Variants in IMPG2 observed in about 807,000 individuals in gnomAD.
IMPG2 encodes the protein interphotoreceptor matrix proteoglycan 2, also known as IPM 200.
IMPG2 carries 91 observed loss-of-function variants against 129.2 expected under a neutral mutation model. The ratio of observed to expected loss-of-function variants is 0.70; its 90% CI spans 0.59 to 0.84. The LOEUF is 0.84. IMPG2 is among the 40% of genes least tolerant of loss of function. The pLI, the probability that IMPG2 is intolerant of heterozygous loss-of-function variation, is 0.00. For missense variants in IMPG2, 1,430 were observed against 1,461.7 expected (o/e 0.98, Z 0.35); for synonymous variants, 510 against 517.7 (o/e 0.99, Z 0.20).
chr3:101,299,682 G>T (rs1412714188), intron 3 of IMPG2, among the ~76,000 whole-genome samples: 2 of 152,100 alleles, frequency 1.3e-5, no homozygotes, highest in Non-Finnish European at 1.5e-5. Context: ...AGTTTGCTAG[G>T]GGTTCACTGT....
chr3:101,243,828 C>T lies in IMPG2; in HGVS notation c.2503G>A (p.Val835Ile), dbSNP rs767388103. 7.4e-6 allele frequency: 12 copies of T among 1,614,180 alleles called. No individual in the cohort carries two copies. Among genetic ancestry groups the T allele is most frequent in the South Asian group, 1.1e-5 (1 of 91,082 alleles). Residue 835 changes from valine to isoleucine, a missense_variant, in exon 13 of 19, where the codon GTA becomes ATA. Coordinates refer to ENST00000193391, the MANE Select transcript of IMPG2 (RefSeq NM_016247.4). ...TCCAGTTCTAACGAAATATCCTGTACACCCATAATTACTTCATCCTCTAGC... is the reference window on the plus strand; with the variant it reads ...TCCAGTTCTAACGAAATATCCTGTATACCCATAATTACTTCATCCTCTAGC... ...TLLEDEVIMG[V>I]QDISLELDRI...
chr3:101,277,255 C>A (rs1426070242), intron 4 of IMPG2, among the ~76,000 whole-genome samples: 6 of 152,200 alleles, frequency 3.9e-5, no homozygotes, highest in African/African-American at 1.4e-4. Context: ...TATTAAGAAT[C>A]TAAACTGCAT....
intron 3 of IMPG2, among the ~76,000 whole-genome samples, chr3:101,299,425 T>C (rs1001247438): frequency 6.6e-6 from 1 of 152,226 alleles, no homozygotes; most frequent in Non-Finnish European, 1.5e-5. Flanking sequence ...ATCCAGTTCT[T>C]CACCCTTGCT....
At chr3:101,276,574 G>A (rs554788778) in intron 5 of IMPG2, 90 bp downstream of exon 5, 2 of 846,096 alleles carry the variant, frequency 2.4e-6, no homozygotes, top group African/African-American at 3.4e-5. Flanking sequence ...ATTTTTAAAA[G>A]GTAAGCTGCA....
chr3:101,226,819 G>T lies in IMPG2; in HGVS notation c.*150C>A, dbSNP rs572793794. The T allele has an allele frequency of 2.3e-4, 168 of 719,938 alleles. 1 individual carries two copies. The African/African-American group carries it at 2.7e-3, about 12-fold the overall frequency. The allele number at this position is 719,938 out of a possible 1,614,324, so 44.6% of individuals were successfully genotyped here. ...TTACTACATTCTGAAAACTTAAGCT[G>T]AAAAAAAAACAGTGTGCCCTATATT... is the stretch of plus-strand genomic sequence containing the variant. On this transcript the variant is annotated 3_prime_UTR_variant, in exon 19 of 19. Transcript: ENST00000193391.
intron 18 of IMPG2, 67 bp downstream of exon 18, chr3:101,228,730 G>A: frequency 8.2e-7 from 1 of 1,214,634 alleles, no homozygotes; most frequent in Admixed American, 1.7e-5. Context: ...TCACTCAGGT[G>A]TGACATTACT....
intron 9 of IMPG2, among the ~76,000 whole-genome samples, chr3:101,263,984 T>G (rs1334189787): frequency 6.6e-6 from 1 of 151,812 alleles, no homozygotes; most frequent in Non-Finnish European, 1.5e-5. Flanking sequence ...CCAATAAATT[T>G]GAAAACCTAG....
intron 9 of IMPG2, among the ~76,000 whole-genome samples, chr3:101,266,060 G>C (rs1706717936): frequency 6.6e-6 from 1 of 152,174 alleles, no homozygotes. Flanking sequence ...GCAAATGCTA[G>C]TGAGGATCCA....
chr3:101,234,264 C>T (rs1188816559), intron 14 of IMPG2, among the ~76,000 whole-genome samples: 1 of 151,076 alleles, frequency 6.6e-6, no homozygotes, highest in Non-Finnish European at 1.5e-5. Flanking sequence ...GGAAACAAGG[C>T]TATCTGGAGA....
intron 2 of IMPG2, among the ~76,000 whole-genome samples, chr3:101,310,402 C>A (rs1707251300): frequency 6.6e-6 from 1 of 151,748 alleles, no homozygotes; most frequent in South Asian, 2.1e-4. Context: ...ACGAAAATTA[C>A]AAAGAAATTA....
intron 14 of IMPG2, among the ~76,000 whole-genome samples, chr3:101,235,403 T>G (rs1346456907): frequency 6.6e-6 from 1 of 152,232 alleles, no homozygotes; most frequent in Non-Finnish European, 1.5e-5. Flanking sequence ...TAGGAATGCT[T>G]AACCACTATA....
chr3:101,232,659 G>T, intron 15 of IMPG2, 122 bp downstream of exon 15: 4 of 783,788 alleles, frequency 5.1e-6, no homozygotes, highest in Non-Finnish European at 8.5e-6. Flanking sequence ...CCCATCTATT[G>T]CCTAGATATA....
At chr3:101,316,336 G>C (rs2058785064) in intron 2 of IMPG2, among the ~76,000 whole-genome samples, 1 of 151,840 alleles carries the variant, frequency 6.6e-6, no homozygotes, top group South Asian at 2.1e-4. Flanking sequence ...CAGATTGCAA[G>C]AAAAATGTAT....
At chr3:101,281,810 G>A (rs1010946325) in intron 4 of IMPG2, among the ~76,000 whole-genome samples, 1 of 152,090 alleles carries the variant, frequency 6.6e-6, no homozygotes, top group South Asian at 2.1e-4. Flanking sequence ...AGACTCCACC[G>A]GCCATTGCTG....
rs556074974 is a variant in IMPG2 at position 101,244,603 on chromosome 3, G to C, written c.1728C>G (p.Val576=). 6.8e-5 allele frequency: 109 copies of C among 1,598,764 alleles called. No homozygotes were observed. The highest frequency in any genetic ancestry group is 8.9e-5 in the Non-Finnish European group (104 of 1,173,070). The part of the protein sequence containing the change: ...PFGLDSLTSK[V]KDQLKVSPFL... ...AAGGGCTCACTTTTAATTGGTCTTT[G>C]ACTTTGGAGGTCAAGGAGTCCAAGC... Residue 576 remains valine (V), a synonymous_variant, in exon 13 of 19, where the codon GTC becomes GTG. Coordinates refer to ENST00000193391, the MANE Select transcript of IMPG2 (RefSeq NM_016247.4).
chr3:101,307,296 C>T (rs749771450), intron 2 of IMPG2, among the ~76,000 whole-genome samples: 1 of 152,280 alleles, frequency 6.6e-6, no homozygotes, highest in South Asian at 2.1e-4. Context: ...AATAGTATAA[C>T]CACTTTGAAA....
At chr3:101,234,273 G>A (rs535190094) in intron 14 of IMPG2, among the ~76,000 whole-genome samples, 84 of 151,568 alleles carry the variant, frequency 5.5e-4, no homozygotes, top group African/African-American at 2.0e-3. Flanking sequence ...GCTATCTGGA[G>A]ACAAAGGCAG....
chr3:101,260,421 T>G (rs949785482), intron 9 of IMPG2, among the ~76,000 whole-genome samples: 2 of 152,136 alleles, frequency 1.3e-5, no homozygotes, highest in African/African-American at 4.8e-5. Context: ...CAATATTATT[T>G]ATAAAGAAAT....
At chr3:101,262,043 T>A (rs1706676575) in intron 9 of IMPG2, among the ~76,000 whole-genome samples, 1 of 152,114 alleles carries the variant, frequency 6.6e-6, no homozygotes, top group African/African-American at 2.4e-5. Context: ...CCTTTCTTAT[T>A]CTTTCTCCTC....
Sources: allele counts gnomAD v4.1 joint callset (sites outside exome capture counted in the v4.1 genomes callset), GRCh38; gene constraint gnomAD v4.1.1; transcripts MANE v1.5; gene names NCBI Gene and HGNC (gene_info 2026-07-23, HGNC 2026-07-21).